CACNA2D1: variants seen among roughly 807,000 people sequenced by gnomAD.
CACNA2D1 encodes the protein calcium voltage-gated channel auxiliary subunit alpha2delta 1.
CACNA2D1 carries 53 observed loss-of-function variants against 171.5 expected under a neutral mutation model. That is an observed-to-expected ratio of 0.31 (90% CI 0.25 to 0.39). CACNA2D1 has a LOEUF of 0.39. Ranked by LOEUF, CACNA2D1 falls within the 10% of genes least tolerant of loss-of-function variation. The pLI, the probability that CACNA2D1 is intolerant of heterozygous loss-of-function variation, is 1.00. For synonymous variants in CACNA2D1, 442 were observed against 443.1 expected (o/e 1.00, Z 0.03); for missense variants, 903 against 1,299.8 (o/e 0.69, Z 4.69).
At chr7:82,108,855 T>C (rs1788054752) in intron 6 of CACNA2D1, among the ~76,000 whole-genome samples, 1 of 152,208 alleles carries the variant, frequency 6.6e-6, no homozygotes, top group Non-Finnish European at 1.5e-5. Context: ...TTATATTCTC[T>C]AACTCAGGCT....
intron 5 of CACNA2D1, among the ~76,000 whole-genome samples, chr7:82,129,128 T>C (rs1214106371): frequency 6.6e-6 from 1 of 152,172 alleles, no homozygotes; most frequent in Non-Finnish European, 1.5e-5. Context: ...AAGCTAAACA[T>C]AAAACTCTAT....
intron 3 of CACNA2D1, among the ~76,000 whole-genome samples, chr7:82,250,950 T>C (rs560682269): frequency 7.7e-4 from 117 of 152,270 alleles, no homozygotes; most frequent in African/African-American, 2.8e-3. Context: ...TCCCATATAT[T>C]TTCAAAAATT....
At chr7:82,030,520 C>T (rs1048301704) in intron 12 of CACNA2D1, among the ~76,000 whole-genome samples, 1 of 151,480 alleles carries the variant, frequency 6.6e-6, no homozygotes, top group African/African-American at 2.4e-5. Flanking sequence ...CTTTTAAAAT[C>T]GGATATATCT....
Position 82,280,159 on chromosome 7 carries a change from T to A in CACNA2D1, c.294+54976A>T, listed in dbSNP as rs1585318623. Among the ~76,000 whole-genome samples, 3 of 152,338 alleles carry A rather than the reference T, an allele frequency of 2.0e-5. No homozygotes were observed. The Middle Eastern group carries it at 0.01, about 518-fold the overall frequency. ...AATGAACAATGTATTTTATTTTGAA[T>A]CATAAGTGAAAATACATGTTACTTG... On this transcript the variant is annotated intron_variant, in intron 3 of 38. Coordinates refer to ENST00000356860, the MANE Select transcript of CACNA2D1 (RefSeq NM_000722.4).
chr7:81,962,493 G>A lies in CACNA2D1; in HGVS notation c.2783C>T (p.Ser928Phe). 1 of 1,587,986 alleles carries A rather than the reference G, an allele frequency of 6.3e-7. No homozygotes were observed. Among genetic ancestry groups the A allele is most frequent in the Non-Finnish European group, 8.6e-7 (1 of 1,163,830 alleles). The change falls in exon 35 of 39, where the codon TCT becomes TTT. Residue 928 changes from serine to phenylalanine, a missense_variant and splice_region_variant. By Grantham distance (155) the Ser-to-Phe change is radical (BLOSUM62 -2). This residue lies in a region of CACNA2D1 where 623 missense variants were observed against 925.5 expected (regional missense o/e 0.67). Coordinates refer to ENST00000356860, the MANE Select transcript of CACNA2D1 (RefSeq NM_000722.4). ...IGWWATAAAW[S>F]ILQQFLLSLT... ...ACTCAAGAGAAACTGCTGTAGAATA[G>A]ACCTGAATTTTTCAAATAAAAAAAA... is the stretch of plus-strand genomic sequence containing the variant.
In CACNA2D1 at chr7:81,959,731, G is replaced by T. The variant is rs747500641; in HGVS notation, c.3065C>A (p.Ala1022Glu). ...CPCDTRLLIQ[A>E]EQTSDGPNPC... is the part of the protein sequence containing the mutation. Reference sequence around the variant, plus strand: ...ATGTCAAAGGATACAAGTCTGCTCCGCTTGTATGAGCAGTCGTGTGTCACA... The same window carrying T: ...ATGTCAAAGGATACAAGTCTGCTCCTCTTGTATGAGCAGTCGTGTGTCACA... The change falls in exon 37 of 39, where the codon GCG becomes GAG. Residue 1022 changes from alanine (A) to glutamate (E), a missense_variant. This residue lies in a region of CACNA2D1 where 623 missense variants were observed against 925.5 expected (regional missense o/e 0.67). Transcript: ENST00000356860. 4.3e-6 allele frequency: 7 copies of T among 1,611,984 alleles called. No homozygotes were observed. Among genetic ancestry groups the T allele is most frequent in the Admixed American group, 1.7e-5 (1 of 59,824 alleles).
chr7:82,128,832 C>T (rs111899714), intron 5 of CACNA2D1, among the ~76,000 whole-genome samples: 12 of 152,128 alleles, frequency 7.9e-5, no homozygotes, highest in African/African-American at 2.2e-4. Flanking sequence ...CCTGCCCCCA[C>T]GTTCCCCTGA....
At position 82,064,473 on chromosome 7, in the gene CACNA2D1, C is replaced by G; in HGVS notation, c.729-119G>C. 3 of 655,140 alleles carry G rather than the reference C, an allele frequency of 4.6e-6. 1 individual carries two copies. In the South Asian group the frequency reaches 5.5e-5, roughly 12 times the overall value. The allele number at this position is 655,140 out of a possible 1,614,324, so 40.6% of individuals were successfully genotyped here. A position where few individuals can be genotyped will look rare whatever the true frequency, so the allele number is the denominator to read the frequency against. On this transcript the variant is annotated intron_variant, in intron 8 of 38. Transcript: ENST00000356860. ...TTTTTCCCCAAGCAAAGACCCACTT[C>G]TATCTAAGTAGACAATGGTTTTCCA...
intron 1 of CACNA2D1, among the ~76,000 whole-genome samples, chr7:82,401,817 T>A (rs1264416510): frequency 1.3e-5 from 2 of 152,106 alleles, no homozygotes; most frequent in Admixed American, 6.6e-5. Context: ...GGCAAAAGTT[T>A]CCATCCTAGT....
At chr7:82,291,449 TTATA>T (rs1187907219) in intron 3 of CACNA2D1, among the ~76,000 whole-genome samples, 2 of 135,932 alleles carry the variant, frequency 1.5e-5, no homozygotes, top group East Asian at 2.0e-4. Context: ...TATATTTTTA[TTATA>T]TATATTAAAT....
intron 3 of CACNA2D1, among the ~76,000 whole-genome samples, chr7:82,240,939 C>G (rs1477806229): frequency 6.6e-6 from 1 of 151,730 alleles, no homozygotes; most frequent in Admixed American, 6.6e-5. Context: ...TGCACTCCAG[C>G]CTGGGCGACA....
chr7:82,286,923 A>G (rs1195785753), intron 3 of CACNA2D1, among the ~76,000 whole-genome samples: 1 of 152,226 alleles, frequency 6.6e-6, no homozygotes, highest in Non-Finnish European at 1.5e-5. Context: ...AGGTTTCAAA[A>G]GCACAGCAGG....
chr7:82,233,171 T>C (rs1296250315), intron 3 of CACNA2D1, among the ~76,000 whole-genome samples: 1 of 152,180 alleles, frequency 6.6e-6, no homozygotes. Flanking sequence ...GAATTAATTA[T>C]AAAGTGTTAT....
At chr7:82,180,563 C>T (rs946166824) in intron 3 of CACNA2D1, among the ~76,000 whole-genome samples, 2 of 152,130 alleles carry the variant, frequency 1.3e-5, no homozygotes, top group African/African-American at 2.4e-5. Flanking sequence ...TTTGTTGTTA[C>T]GGTTTCTAAT....
intron 5 of CACNA2D1, 148 bp downstream of exon 5, chr7:82,136,487 C>A: frequency 1.7e-6 from 1 of 584,958 alleles, no homozygotes. Context: ...CACAAAAGTT[C>A]TTCATTATCT....
rs540545501 is a variant in CACNA2D1, at chr7:82,099,668, C to T, written c.527-14768G>A. On this transcript the variant is annotated intron_variant, in intron 6 of 38. Transcript: ENST00000356860. ...GTTTCACCGTGTTAGCCGGGATGGT[C>T]TCGATCTCCTGACCTCGTGATCCGC... Among the ~76,000 whole-genome samples, 2 of 60,398 alleles carry T rather than the reference C, an allele frequency of 3.3e-5. 1 individual carries two copies. Among genetic ancestry groups the T allele is most frequent in the Admixed American group, 3.4e-4 (2 of 5,876 alleles). 39.6% of individuals were successfully genotyped at this position (60,398 alleles called of 152,430 possible).
intron 6 of CACNA2D1, among the ~76,000 whole-genome samples, chr7:82,111,402 A>C (rs1468840901): frequency 1.1e-5 from 1 of 88,726 alleles, no homozygotes; most frequent in East Asian, 4.4e-4. Flanking sequence ...ATGTATATAT[A>C]TATTCATATA....
chr7:82,406,227 AT>A (rs1289099101), intron 1 of CACNA2D1, among the ~76,000 whole-genome samples: 1 of 152,080 alleles, frequency 6.6e-6, no homozygotes, highest in Non-Finnish European at 1.5e-5. Context: ...TGAACTCATC[AT>A]TTTTTATGGC....
At chr7:82,363,918 C>T (rs1379069682) in intron 1 of CACNA2D1, among the ~76,000 whole-genome samples, 3 of 152,052 alleles carry the variant, frequency 2.0e-5, no homozygotes, top group Non-Finnish European at 4.4e-5. Flanking sequence ...AAACAAGTAG[C>T]CCAAAGGAAT....
Sources: gnomAD v4.1 joint callset for allele counts (sites outside exome capture counted in the v4.1 genomes callset) on GRCh38, gnomAD v4.1.1 for gene constraint, gnomAD v4.1.1 regional missense constraint, MANE v1.5 for transcripts, NCBI Gene and HGNC (gene_info 2026-07-23, HGNC 2026-07-21) for gene names.